PDE3A: variants seen among roughly 807,000 people sequenced by gnomAD.
PDE3A encodes phosphodiesterase 3A, also known as cGMP-inhibited 3',5'-cyclic phosphodiesterase 3A.
PDE3A carries 43 observed loss-of-function variants against 98.3 expected under a neutral mutation model. The ratio of observed to expected loss-of-function variants is 0.44; its 90% confidence interval spans 0.34 to 0.56. The LOEUF is 0.56. PDE3A is among the 20% of genes least tolerant of loss of function. PDE3A has a pLI of 0.01. For missense variants in PDE3A, 1,427 were observed against 1,440.7 expected, an observed-to-expected ratio of 0.99 and a Z score of 0.15; for synonymous variants, 663 against 567.9, an observed-to-expected ratio of 1.17 and a Z score of -2.38.
chr12:20,418,532 TG>T (rs1565542827), intron 1 of PDE3A, among the ~76,000 whole-genome samples: 1 of 152,226 alleles, frequency 6.6e-6, no homozygotes, highest in Admixed American at 6.5e-5. Flanking sequence ...TTGTATTTAA[TG>T]TGGTTATATT....
chr12:20,427,566 A>G (rs1055693525), intron 1 of PDE3A, among the ~76,000 whole-genome samples: 1 of 152,282 alleles, frequency 6.6e-6, no homozygotes, highest in Non-Finnish European at 1.5e-5. Context: ...CTGTATGAAT[A>G]TTACCAAGTT....
chr12:20,626,799 A>G (rs1019106161), intron 5 of PDE3A, among the ~76,000 whole-genome samples: 2 of 152,146 alleles, frequency 1.3e-5, no homozygotes, highest in Non-Finnish European at 2.9e-5. Context: ...CGCCTAGCCG[A>G]GTTATGCTTT....
chr12:20,622,526 G>C (rs979439856), intron 5 of PDE3A, among the ~76,000 whole-genome samples: 1 of 151,988 alleles, frequency 6.6e-6, no homozygotes, highest in Admixed American at 6.6e-5. Flanking sequence ...GGTCCTCTCT[G>C]CTCTTTAGAA....
chr12:20,411,605 C>A (rs1216890038), intron 1 of PDE3A, among the ~76,000 whole-genome samples: 2 of 151,992 alleles, frequency 1.3e-5, no homozygotes, highest in Non-Finnish European at 2.9e-5. Context: ...GAAATAATGT[C>A]CTAACAGGTC....
chr12:20,679,469 A>T (rs145743838), intron 15 of PDE3A, among the ~76,000 whole-genome samples: 6 of 152,104 alleles, frequency 3.9e-5, no homozygotes, highest in African/African-American at 1.2e-4. Context: ...GGATGGTCTC[A>T]ATCTCCTGAG....
In PDE3A at chr12:20,562,671, C is replaced by T. The variant is rs186801242; in HGVS notation, c.1011+5961C>T. Among the ~76,000 whole-genome samples the T allele has an allele frequency of 7.9e-3, 1,196 of 152,164 alleles. 10 individuals are homozygous for T. The highest frequency in any genetic ancestry group is 0.014 in the Middle Eastern group (4 of 294). On this transcript the variant is annotated intron_variant, in intron 2 of 15. Coordinates refer to ENST00000359062, the MANE Select transcript of PDE3A (RefSeq NM_000921.5). ...TCCTAACACTTTAATATTCTTGGAACCCTCAGGCCTTTATTTACCAATAGT... is the reference window on the plus strand; with the variant it reads ...TCCTAACACTTTAATATTCTTGGAATCCTCAGGCCTTTATTTACCAATAGT...
chr12:20,388,213 C>A (rs552752246), intron 1 of PDE3A, among the ~76,000 whole-genome samples: 1 of 151,834 alleles, frequency 6.6e-6, no homozygotes, highest in African/African-American at 2.4e-5. Flanking sequence ...TATAAAACAC[C>A]CTTGGAAGTA....
intron 1 of PDE3A, among the ~76,000 whole-genome samples, chr12:20,505,467 T>G (rs1313252323): frequency 7.0e-6 from 1 of 142,814 alleles, no homozygotes; most frequent in Non-Finnish European, 1.6e-5. Flanking sequence ...GTGGTACATT[T>G]TTAGGTCCTC....
At chr12:20,507,176 A>G (rs943105886) in intron 1 of PDE3A, among the ~76,000 whole-genome samples, 11 of 151,892 alleles carry the variant, frequency 7.2e-5, no homozygotes, top group African/African-American at 2.7e-4. Flanking sequence ...TTTGTATTGG[A>G]CCTTTGAGAG....
At chr12:20,527,130 G>GCTGGTCTCCAACTCCTGAGCT (rs1218188701) in intron 1 of PDE3A, among the ~76,000 whole-genome samples, 1 of 152,096 alleles carries the variant, frequency 6.6e-6, no homozygotes, top group East Asian at 1.9e-4. Flanking sequence ...TGTTGGCCAG[G>GCTGGTCTCCAACTCCTGAGCT]CTGGTCTCCA....
intron 2 of PDE3A, among the ~76,000 whole-genome samples, chr12:20,576,703 G>A (rs1022147408): frequency 6.6e-6 from 1 of 152,066 alleles, no homozygotes; most frequent in African/African-American, 2.4e-5. Context: ...GGATATTCAC[G>A]GAAATATAAT....
chr12:20,545,354 T>C (rs1942023180), intron 1 of PDE3A, among the ~76,000 whole-genome samples: 1 of 152,034 alleles, frequency 6.6e-6, no homozygotes. Context: ...CCAGAATATC[T>C]GAATTTGCCT....
chr12:20,569,124 G>C (rs1942732108), intron 2 of PDE3A, among the ~76,000 whole-genome samples: 1 of 151,980 alleles, frequency 6.6e-6, no homozygotes, highest in Admixed American at 6.6e-5. Flanking sequence ...TATAAAAAAA[G>C]TAAGATATTT....
intron 1 of PDE3A, among the ~76,000 whole-genome samples, chr12:20,505,867 T>C (rs967922337): frequency 2.0e-5 from 3 of 152,020 alleles, no homozygotes; most frequent in African/African-American, 4.8e-5. Context: ...AGCTGCCATA[T>C]ACAAAACAAA....
chr12:20,555,280 C>G, intron 1 of PDE3A, among the ~76,000 whole-genome samples: 1 of 152,184 alleles, frequency 6.6e-6, no homozygotes, highest in East Asian at 1.9e-4. Context: ...TCCCTAAATA[C>G]TAGGATTACA....
At chr12:20,602,995 C>T (rs574559314) in intron 2 of PDE3A, among the ~76,000 whole-genome samples, 4 of 152,250 alleles carry the variant, frequency 2.6e-5, no homozygotes, top group African/African-American at 7.2e-5. Context: ...TAATGTAGTA[C>T]ATTAAAGACC....
intron 1 of PDE3A, among the ~76,000 whole-genome samples, chr12:20,433,210 T>G (rs1322767623): frequency 6.6e-6 from 1 of 152,080 alleles, no homozygotes; most frequent in African/African-American, 2.4e-5. Context: ...CAAACTTTGG[T>G]GGGACACAGC....
intron 2 of PDE3A, among the ~76,000 whole-genome samples, chr12:20,580,561 G>T (rs897978795): frequency 1.3e-5 from 2 of 152,146 alleles, no homozygotes; most frequent in Non-Finnish European, 2.9e-5. Context: ...AGGTCCAAAA[G>T]CATTTAGTCA....
intron 1 of PDE3A, among the ~76,000 whole-genome samples, chr12:20,436,550 A>G (rs541981218): frequency 2.6e-5 from 4 of 152,248 alleles, no homozygotes; most frequent in Admixed American, 6.5e-5. Flanking sequence ...GGAGAAAAAT[A>G]TTTAGTGAGA....
Sources: allele counts gnomAD v4.1 joint callset (sites outside exome capture counted in the v4.1 genomes callset), GRCh38; gene constraint gnomAD v4.1.1; transcripts MANE v1.5; gene names NCBI Gene and HGNC (gene_info 2026-07-23, HGNC 2026-07-21).